Variants in THEMIS observed in about 807,000 individuals in gnomAD.
THEMIS encodes the protein protein THEMIS.
Under a neutral mutation model 52.6 loss-of-function variants are expected in THEMIS, and 37 were observed. The observed-to-expected ratio is 0.70, with a 90% CI of 0.54 to 0.93. THEMIS has a LOEUF of 0.93. Ranked by LOEUF, THEMIS falls within the 40% of genes least tolerant of loss-of-function variation. The pLI is 0.00. For synonymous variants in THEMIS, 292 were observed against 272.7 expected (o/e 1.07, Z -0.70); for missense variants, 808 against 763.1 (o/e 1.06, Z -0.69).
At chr6:127,786,280 C>G (rs1303627841) in intron 4 of THEMIS, among the ~76,000 whole-genome samples, 2 of 152,108 alleles carry the variant, frequency 1.3e-5, no homozygotes, top group Non-Finnish European at 2.9e-5. Context: ...GCTTGGCCAT[C>G]TGTTATTGTT....
chr6:127,831,688 T>G (rs1422166675), intron 2 of THEMIS, among the ~76,000 whole-genome samples: 1 of 152,146 alleles, frequency 6.6e-6, no homozygotes, highest in East Asian at 1.9e-4. Flanking sequence ...ATAAACTTCC[T>G]GAAAAACTGT....
chr6:127,883,677 T>C (rs1780557928), intron 1 of THEMIS, among the ~76,000 whole-genome samples: 1 of 152,102 alleles, frequency 6.6e-6, no homozygotes, highest in Admixed American at 6.6e-5. Context: ...ATTCTGTTTT[T>C]CATTTTCAGT....
intron 5 of THEMIS, among the ~76,000 whole-genome samples, chr6:127,714,273 C>T: frequency 6.6e-6 from 1 of 151,908 alleles, no homozygotes; most frequent in East Asian, 1.9e-4. Flanking sequence ...GTTACCATTA[C>T]TTGACTGTGC....
intron 1 of THEMIS, among the ~76,000 whole-genome samples, chr6:127,898,128 C>T (rs1325305604): frequency 6.6e-6 from 1 of 151,578 alleles, no homozygotes; most frequent in African/African-American, 2.4e-5. Context: ...AGAAAGAGCA[C>T]AGGATAGGGC....
chr6:127,851,641 C>T (rs9372882), intron 2 of THEMIS, among the ~76,000 whole-genome samples: 29,952 of 151,584 alleles, frequency 0.2, 3,250 homozygotes, highest in South Asian at 0.4. Flanking sequence ...CAATGATATA[C>T]CATAGGCGTC....
At chr6:127,896,040 CT>C (rs1247819949) in intron 1 of THEMIS, among the ~76,000 whole-genome samples, 2 of 150,944 alleles carry the variant, frequency 1.3e-5, no homozygotes, top group Non-Finnish European at 3.0e-5. Context: ...ATGTTTAACA[CT>C]TTTTAATGTA....
At chr6:127,731,384 CG>C (rs1417091159) in intron 4 of THEMIS, among the ~76,000 whole-genome samples, 1 of 151,244 alleles carries the variant, frequency 6.6e-6, no homozygotes, top group African/African-American at 2.4e-5. Context: ...ACAGATATGT[CG>C]GGGAAAAAAA....
chr6:127,729,778 T>C (rs1158531853), intron 4 of THEMIS, among the ~76,000 whole-genome samples: 1 of 152,192 alleles, frequency 6.6e-6, no homozygotes, highest in African/African-American at 2.4e-5. Context: ...ATAATTAAGT[T>C]CATTCGAGTA....
At chr6:127,834,035 T>C (rs1583330279) in intron 2 of THEMIS, among the ~76,000 whole-genome samples, 2 of 152,324 alleles carry the variant, frequency 1.3e-5, no homozygotes, top group South Asian at 2.1e-4. Flanking sequence ...GTGTCAATTA[T>C]AGATCACTGA....
At chr6:127,829,378 A>G in intron 3 of THEMIS, 98 bp downstream of exon 3, 1 of 973,256 alleles carries the variant, frequency 1.0e-6, no homozygotes, top group South Asian at 1.7e-5. Context: ...CAATAGTTGA[A>G]ATAAAGACAG....
At chr6:127,898,433 GA>G (rs1474458231) in intron 1 of THEMIS, among the ~76,000 whole-genome samples, 2 of 151,678 alleles carry the variant, frequency 1.3e-5, no homozygotes, top group East Asian at 3.9e-4. Context: ...AAAACTCATT[GA>G]AAAAGTTATG....
Position 127,758,341 on chromosome 6 carries a change from T to A in THEMIS, c.1759-38518A>T, listed in dbSNP as rs189347924. 9.2e-4 allele frequency among the ~76,000 whole-genome samples: 137 copies of A among 149,266 alleles called. No homozygotes were observed. In the Middle Eastern group the frequency reaches 0.011, roughly 12 times the overall value. On this transcript the variant is annotated intron_variant, in intron 4 of 5. Coordinates refer to ENST00000368248, the MANE Select transcript of THEMIS (RefSeq NM_001010923.3). ...AACGGATCAATTTCTTAGAGAAACA[T>A]GGCTTAACTGGAAGAATTTATGAAA...
intron 4 of THEMIS, among the ~76,000 whole-genome samples, chr6:127,760,473 T>G (rs1775984668): frequency 6.6e-6 from 1 of 152,160 alleles, no homozygotes; most frequent in South Asian, 2.1e-4. Context: ...TTTTGGGTAG[T>G]ATGAATATTT....
intron 1 of THEMIS, among the ~76,000 whole-genome samples, chr6:127,891,538 C>A (rs1201734457): frequency 0.02 from 1,955 of 96,236 alleles, no homozygotes; most frequent in East Asian, 0.024. Flanking sequence ...TCCAGCTCAA[C>A]AAAAAAAAAA....
chr6:127,718,817 CTTTT>C (rs1317490628), intron 5 of THEMIS, among the ~76,000 whole-genome samples: 2 of 151,716 alleles, frequency 1.3e-5, no homozygotes, highest in Non-Finnish European at 2.9e-5. Flanking sequence ...CTCTATGGGA[CTTTT>C]TTATAGGAGT....
chr6:127,787,850 T>TATAGATAGATGATAGATAGATAGATAG (rs779580245), intron 4 of THEMIS, among the ~76,000 whole-genome samples: 1 of 137,510 alleles, frequency 7.3e-6, no homozygotes, highest in African/African-American at 2.8e-5. Context: ...GATAGACAGA[T>TATAGATAGATGATAGATAGATAGATAG]ATAGATAGAT....
intron 1 of THEMIS, among the ~76,000 whole-genome samples, chr6:127,916,240 A>T (rs1781524758): frequency 6.6e-6 from 1 of 151,806 alleles, no homozygotes; most frequent in African/African-American, 2.4e-5. Context: ...AGAAATAATT[A>T]TATAGATATG....
chr6:127,699,062 C>A, the THEMIS span, among the ~76,000 whole-genome samples: 1 of 150,230 alleles, frequency 6.7e-6, no homozygotes, highest in South Asian at 2.1e-4. Flanking sequence ...TAGGATATTC[C>A]TTCCTTATTA....
intron 4 of THEMIS, among the ~76,000 whole-genome samples, chr6:127,766,830 G>A (rs535292116): frequency 1.3e-5 from 2 of 152,274 alleles, no homozygotes; most frequent in Middle Eastern, 3.4e-3. Context: ...AGGACTGGAA[G>A]TTGCTTTGGA....
Sources: gnomAD v4.1 joint callset for allele counts (sites outside exome capture counted in the v4.1 genomes callset) on GRCh38, gnomAD v4.1.1 for gene constraint, MANE v1.5 for transcripts, NCBI Gene and HGNC (gene_info 2026-07-23, HGNC 2026-07-21) for gene names.